Variants in ZNF624 observed in about 807,000 individuals in gnomAD.
ZNF624 encodes the protein zinc finger protein 624.
A neutral mutation model predicts 74.7 loss-of-function variants in ZNF624; 43 were observed. That is an observed-to-expected ratio of 0.58 (90% CI 0.45 to 0.74). The LOEUF is 0.74. Ranked by LOEUF, ZNF624 falls within the 30% of genes least tolerant of loss-of-function variation. The pLI is 0.00. For synonymous variants in ZNF624, 331 were observed against 341.3 expected, an observed-to-expected ratio of 0.97 and a Z score of 0.33; for missense variants, 820 against 1,030.0, an observed-to-expected ratio of 0.80 and a Z score of 2.79.
intron 1 of ZNF624, 41 bp from the exon 2 acceptor site, chr17:16,649,787 G>T: frequency 1.3e-6 from 2 of 1,534,114 alleles, no homozygotes; most frequent in South Asian, 1.1e-5. Context: ...ATCCTGCCTG[G>T]GGAATTTCAG....
At chr17:16,642,050 ACTTAAT>A (rs1447641144) in intron 3 of ZNF624, among the ~76,000 whole-genome samples, 1 of 152,218 alleles carries the variant, frequency 6.6e-6, no homozygotes, top group Admixed American at 6.5e-5. Flanking sequence ...AGTATGGAAG[ACTTAAT>A]CTTGCGAATA....
At chr17:16,638,108 A>G (rs1410737220) in intron 3 of ZNF624, among the ~76,000 whole-genome samples, 1 of 152,242 alleles carries the variant, frequency 6.6e-6, no homozygotes, top group Admixed American at 6.5e-5. Flanking sequence ...AAAACACATG[A>G]AAAAATGCTC....
rs562559160 is a variant in ZNF624, at chr17:16,622,268, G to C, written c.*20C>G. The C allele has an allele frequency of 2.0e-6, 3 of 1,508,434 alleles. No individual in the cohort carries two copies. Among genetic ancestry groups the C allele is most frequent in the East Asian group, 2.3e-5 (1 of 44,062 alleles). The allele number at this position is 1,508,434 out of a possible 1,614,324, so 93.4% of individuals were successfully genotyped here. On this transcript the variant is annotated 3_prime_UTR_variant, in exon 6 of 6. Coordinates refer to ENST00000311331, the MANE Select transcript of ZNF624 (RefSeq NM_020787.4). ...ATTCATCTTGTGGAGTTGACATCTA[G>C]GTGAATGACTTATTGTTCTTTATAT...
chr17:16,637,703 T>C (rs1909367555), intron 3 of ZNF624, among the ~76,000 whole-genome samples: 1 of 152,180 alleles, frequency 6.6e-6, no homozygotes, highest in Admixed American at 6.5e-5. Context: ...TTACACCTTA[T>C]ACAAAAATTA....
chr17:16,617,815 T>C (rs568466985), downstream of ZNF624: 1 of 1,612,000 alleles, frequency 6.2e-7, no homozygotes, highest in Non-Finnish European at 8.5e-7. Context: ...CCATAGCCAC[T>C]GAAAAAGCGC....
At chr17:16,624,851 TACAAAAA>T in intron 5 of ZNF624, 1 of 18,704 alleles carries the variant, frequency 5.3e-5, no homozygotes, top group African/African-American at 2.1e-4. Context: ...ACCCTGTCTC[TACAAAAA>T]AAAAAAAAAA....
At chr17:16,650,598 A>G (rs1321277340) in intron 1 of ZNF624, among the ~76,000 whole-genome samples, 1 of 152,078 alleles carries the variant, frequency 6.6e-6, no homozygotes, top group African/African-American at 2.4e-5. Flanking sequence ...TTGGCTAATG[A>G]TATGTATGGC....
chr17:16,619,282 A>C (rs1908853421), downstream of ZNF624, among the ~76,000 whole-genome samples: 1 of 152,250 alleles, frequency 6.6e-6, no homozygotes, highest in Non-Finnish European at 1.5e-5. Context: ...GTAGAAAAAT[A>C]TCTTTATGAC....
chr17:16,630,993 ATACC>A (rs10543031), intron 5 of ZNF624, among the ~76,000 whole-genome samples: 142,799 of 151,762 alleles, frequency 0.94, 67,288 homozygotes, highest in East Asian at 1. Context: ...TCAATACTCA[ATACC>A]TACCTATAGG....
chr17:16,630,595 T>G (rs1354394972), intron 5 of ZNF624, among the ~76,000 whole-genome samples: 3 of 151,668 alleles, frequency 2.0e-5, no homozygotes, highest in Non-Finnish European at 4.4e-5. Flanking sequence ...ACCTTAAAAA[T>G]AAAGACAAAA....
chr17:16,641,487 T>C (rs561273752), intron 3 of ZNF624, among the ~76,000 whole-genome samples: 13 of 152,216 alleles, frequency 8.5e-5, no homozygotes, highest in Non-Finnish European at 1.5e-4. Context: ...TTTCACCATG[T>C]TGGCCAGGCT....
chr17:16,635,482 T>TA (rs964889002), intron 3 of ZNF624, among the ~76,000 whole-genome samples: 42 of 149,250 alleles, frequency 2.8e-4, no homozygotes, highest in Middle Eastern at 6.8e-3. Context: ...AATAAAAAAT[T>TA]AAAAAAAAAA....
chr17:16,651,573 T>C (rs946132405), intron 1 of ZNF624, among the ~76,000 whole-genome samples: 3 of 151,888 alleles, frequency 2.0e-5, no homozygotes, highest in African/African-American at 7.3e-5. Context: ...AGTGTGGAGA[T>C]AAAAGAGGTA....
intron 3 of ZNF624, among the ~76,000 whole-genome samples, chr17:16,636,521 T>C (rs1467597996): frequency 1.3e-5 from 2 of 152,138 alleles, no homozygotes; most frequent in African/African-American, 2.4e-5. Context: ...TGCAATGACA[T>C]TGCTGAAAAT....
chr17:16,632,146 T>C (rs1259201196), intron 5 of ZNF624, among the ~76,000 whole-genome samples: 1 of 152,204 alleles, frequency 6.6e-6, no homozygotes, highest in Non-Finnish European at 1.5e-5. Flanking sequence ...GCAGCTATCA[T>C]AATAGTGGCC....
chr17:16,624,356 C>G lies in ZNF624; in HGVS notation c.530G>C (p.Arg177Thr). The change falls in exon 6 of 6, where the codon AGA becomes ACA. Residue 177 changes from arginine to threonine, a missense_variant. Coordinates refer to ENST00000311331, the MANE Select transcript of ZNF624 (RefSeq NM_020787.4). The part of the protein sequence containing the change: ...GLWKWNDRIL[R>T]LQNNQENHLS... ...ATGATTCTCCTGATTATTTTGTAAT[C>G]TCAATATCCTATCATTCCATTTCCA... is the stretch of plus-strand genomic sequence containing the variant. 4 of 1,613,786 alleles carry G rather than the reference C, an allele frequency of 2.5e-6. No homozygotes were observed. Among genetic ancestry groups the G allele is most frequent in the Non-Finnish European group, 3.4e-6 (4 of 1,179,926 alleles).
chr17:16,646,558 A>G (rs939280186), intron 3 of ZNF624, among the ~76,000 whole-genome samples: 2 of 152,238 alleles, frequency 1.3e-5, no homozygotes, highest in Non-Finnish European at 2.9e-5. Flanking sequence ...AGGAGATGCA[A>G]GAAACCGATG....
At chr17:16,644,959 A>C (rs1909552698) in intron 3 of ZNF624, among the ~76,000 whole-genome samples, 1 of 152,236 alleles carries the variant, frequency 6.6e-6, no homozygotes, top group Non-Finnish European at 1.5e-5. Context: ...GCAGACTTTC[A>C]CATGAGGGGT....
At chr17:16,630,113 G>A (rs930616511) in intron 5 of ZNF624, among the ~76,000 whole-genome samples, 10 of 152,040 alleles carry the variant, frequency 6.6e-5, no homozygotes, top group African/African-American at 2.4e-4. Flanking sequence ...TTAGACAGAT[G>A]GTTCACTTCT....
Sources: allele counts gnomAD v4.1 joint callset (sites outside exome capture counted in the v4.1 genomes callset), GRCh38; gene constraint gnomAD v4.1.1; transcripts MANE v1.5; gene names NCBI Gene and HGNC (gene_info 2026-07-23, HGNC 2026-07-21).